The following PPEF1 variants were observed in gnomAD, a reference collection of about 807,000 sequenced individuals.
PPEF1 encodes the protein serine/threonine-protein phosphatase with EF-hands 1.
A neutral mutation model predicts 53.3 loss-of-function variants in PPEF1; 12 were observed. The observed-to-expected ratio is 0.23, with a 90% confidence interval of 0.14 to 0.36. The LOEUF (loss-of-function observed/expected upper bound fraction) is 0.36, where lower values mean the gene tolerates loss of function less well. Among genes scored for constraint, PPEF1 ranks in the 10% least tolerant of loss-of-function variants. PPEF1 has a pLI of 1.00. For missense variants in PPEF1, 334 were observed against 490.4 expected (o/e 0.68, Z 3.01); for synonymous variants, 165 against 176.7 (o/e 0.93, Z 0.52).
chrX:18,778,873 A>T, intron 6 of PPEF1, 137 bp from the exon 7 acceptor site: 1 of 637,136 alleles, frequency 1.6e-6, no homozygotes, highest in Non-Finnish European at 2.3e-6. Flanking sequence ...GGCTCAAGCG[A>T]GAGAGCAGAT....
rs780522569 is a variant in PPEF1, at chrX:18,739,087, C to T, written c.235+5279C>T. Among the ~76,000 whole-genome samples, 9 of 112,292 alleles carry T rather than the reference C, an allele frequency of 8.0e-5. No homozygotes were observed. In the East Asian group the frequency reaches 2.0e-3, roughly 24 times the overall value. On this transcript the variant is annotated intron_variant, in intron 3 of 15. Transcript: ENST00000470157. ...TGGGTTCGAACATCCTCCTTTAGCT[C>T]GGAGAAGTTTGTTATTACCGATCAT...
At chrX:18,709,371 C>T (rs1437667376) in intron 1 of PPEF1, among the ~76,000 whole-genome samples, 2 of 112,145 alleles carry the variant, frequency 1.8e-5, no homozygotes, top group African/African-American at 6.5e-5. Context: ...CTGGCTTTGT[C>T]CATGTTGTAG....
At position 18,730,924 on chromosome X, in the gene PPEF1, A is replaced by G. The variant is rs764366074; in HGVS notation, c.174+616A>G. Among the ~76,000 whole-genome samples, 751 of 111,705 alleles carry G rather than the reference A, an allele frequency of 6.7e-3. 11 individuals carry two copies. The highest frequency in any genetic ancestry group is 0.022 in the African/African-American group (684 of 30,747). On this transcript the variant is annotated intron_variant, in intron 2 of 15. Coordinates refer to ENST00000470157, the MANE Select transcript of PPEF1 (RefSeq NM_001377996.1). ...GAGACAGGGTTTCACCATGTTGGCC[A>G]GGCTGGTCTCGAACTCCTGACCTCA...
At chrX:18,747,914 T>C (rs1404547277) in intron 3 of PPEF1, among the ~76,000 whole-genome samples, 1 of 111,901 alleles carries the variant, frequency 8.9e-6, no homozygotes, top group Non-Finnish European at 1.9e-5. Context: ...AGTTGCTTGG[T>C]ATTTCAGTGT....
intron 10 of PPEF1, among the ~76,000 whole-genome samples, chrX:18,789,938 T>A (rs1010773848): frequency 8.9e-6 from 1 of 112,382 alleles, no homozygotes; most frequent in Non-Finnish European, 1.9e-5. Flanking sequence ...ATGTTTTTAT[T>A]TCTCTTAAGT....
chrX:18,781,442 G>A (rs2046083421), intron 7 of PPEF1, among the ~76,000 whole-genome samples: 1 of 111,318 alleles, frequency 9.0e-6, no homozygotes, highest in South Asian at 3.8e-4. Context: ...TGCAAAAGAG[G>A]CTCAGAAGAG....
At chrX:18,699,326 C>T (rs936402350) in intron 5 of PPEF1, among the ~76,000 whole-genome samples, 1 of 111,388 alleles carries the variant, frequency 9.0e-6, no homozygotes, top group Non-Finnish European at 1.9e-5. Context: ...CTAGATCTCC[C>T]GTGGCTCTCA....
chrX:18,765,804 C>T (rs2045753088), intron 6 of PPEF1, among the ~76,000 whole-genome samples: 1 of 110,916 alleles, frequency 9.0e-6, no homozygotes, highest in Admixed American at 9.7e-5. Context: ...TGGCTCATGC[C>T]TGCAATCCTA....
At chrX:18,689,504 CAAAT>C (rs1156542703) in intron 3 of PPEF1, among the ~76,000 whole-genome samples, 2 of 105,670 alleles carry the variant, frequency 1.9e-5, no homozygotes, top group Non-Finnish European at 3.9e-5. Context: ...CTGTCTCAAA[CAAAT>C]AAAAATAAAT....
chrX:18,676,130 G>A (rs1278151485), exon 1 of PPEF1: 1 of 110,850 alleles, frequency 9.0e-6, no homozygotes, highest in Non-Finnish European at 1.9e-5. Context: ...GAAGAAACCA[G>A]GTGGGTGCAG....
At chrX:18,789,018 G>T in intron 9 of PPEF1, 103 bp from the exon 10 acceptor site, 1 of 980,886 alleles carries the variant, frequency 1.0e-6, no homozygotes, top group South Asian at 2.5e-5. Context: ...TTTTTCATTG[G>T]GTTGTGGCAC....
At chrX:18,755,037 A>T (rs2045517770) in intron 4 of PPEF1, among the ~76,000 whole-genome samples, 1 of 111,582 alleles carries the variant, frequency 9.0e-6, no homozygotes, top group South Asian at 3.7e-4. Flanking sequence ...GCATTATCAG[A>T]CTCTGAGTTT....
intron 13 of PPEF1, among the ~76,000 whole-genome samples, chrX:18,820,025 G>A (rs922384516): frequency 9.0e-6 from 1 of 111,554 alleles, no homozygotes; most frequent in Non-Finnish European, 1.9e-5. Flanking sequence ...CTCAACAGTT[G>A]CAAAATTAGA....
At chrX:18,786,155 C>G (rs1364270253) in intron 9 of PPEF1, among the ~76,000 whole-genome samples, 2 of 111,912 alleles carry the variant, frequency 1.8e-5, no homozygotes, top group African/African-American at 6.5e-5. Flanking sequence ...GCAGCCTCTT[C>G]CAATTGACCA....
intron 6 of PPEF1, among the ~76,000 whole-genome samples, chrX:18,778,569 T>C (rs1221365994): frequency 2.7e-5 from 3 of 110,913 alleles, no homozygotes; most frequent in East Asian, 2.8e-4. Flanking sequence ...ATTTTGCAAA[T>C]TGGGGGAATC....
Position 18,819,648 on chromosome X carries a change from C to T in PPEF1, c.1501+1503C>T, listed in dbSNP as rs750944431. The stretch of plus-strand genomic sequence containing the variant: ...GGCAGAGGTTGCAGTGACCCGAGAC[C>T]GCACCATTGCACTCCAGCCTGGGTG... On this transcript the variant is annotated intron_variant, in intron 13 of 15. Coordinates refer to ENST00000470157, the MANE Select transcript of PPEF1 (RefSeq NM_001377996.1). Among the ~76,000 whole-genome samples the T allele has an allele frequency of 7.2e-5, 8 of 111,563 alleles. No homozygotes were observed. The East Asian group carries it at 8.4e-4, about 12-fold the overall frequency.
intron 12 of PPEF1, among the ~76,000 whole-genome samples, chrX:18,810,333 GCACACACA>G (rs372609345): frequency 5.9e-5 from 6 of 102,172 alleles, no homozygotes; most frequent in East Asian, 3.0e-4. Context: ...CTCTCTCTGC[GCACACACA>G]CACACACACA....
intron 1 of PPEF1, among the ~76,000 whole-genome samples, chrX:18,713,420 C>CTTTTTTTTT (rs55997147): frequency 0.022 from 1,681 of 76,849 alleles, 1 homozygote; most frequent in Middle Eastern, 0.037. Context: ...CCTTAAAATT[C>CTTTTTTTTT]TTTTTTTTTT....
chrX:18,769,929 C>T (rs936410771), intron 6 of PPEF1, among the ~76,000 whole-genome samples: 20 of 111,602 alleles, frequency 1.8e-4, no homozygotes, highest in African/African-American at 6.2e-4. Context: ...AGGAAATAGG[C>T]GAGACTGTGG....
Sources: gnomAD v4.1 joint callset for allele counts (sites outside exome capture counted in the v4.1 genomes callset) on GRCh38, gnomAD v4.1.1 for gene constraint, MANE v1.5 for transcripts, NCBI Gene and HGNC (gene_info 2026-07-23, HGNC 2026-07-21) for gene names.